HECTD4: variants seen among roughly 807,000 people sequenced by gnomAD.
HECTD4 encodes the protein probable E3 ubiquitin-protein ligase HECTD4.
In HECTD4, 114 loss-of-function variants were observed where a neutral mutation model predicts 471.5. The ratio of observed to expected loss-of-function variants is 0.24; its 90% confidence interval spans 0.21 to 0.28. The LOEUF (loss-of-function observed/expected upper bound fraction) is 0.28. Ranked by LOEUF, HECTD4 falls within the 10% of genes least tolerant of loss-of-function variation. The probability of loss-of-function intolerance (pLI) is 1.00; values close to 1 mark genes in which losing one functional copy is unlikely to be tolerated. For synonymous variants in HECTD4, 2,012 were observed against 2,256.0 expected, an observed-to-expected ratio of 0.89 and a Z score of 3.07; for missense variants, 3,866 against 5,651.5, an observed-to-expected ratio of 0.68 and a Z score of 10.13.
At position 112,245,897 on chromosome 12, in the gene HECTD4, T is replaced by C. The variant is rs187013148; in HGVS notation, c.4513+1004A>G. ...CTGTAATCCCAGCACTTTGGGAGGC[T>C]GAGGTGGGCAGATCACCTGAGGTCA... is the stretch of plus-strand genomic sequence containing the variant. On this transcript the variant is annotated intron_variant, in intron 29 of 75. Coordinates refer to ENST00000682272, the MANE Select transcript of HECTD4 (RefSeq NM_001388303.1). Among the ~76,000 whole-genome samples, 557 of 152,092 alleles carry C rather than the reference T, an allele frequency of 3.7e-3. 2 individuals are homozygous for C. Among genetic ancestry groups the C allele is most frequent in the African/African-American group, 0.013 (531 of 41,510 alleles).
chr12:112,208,621 C>A lies in HECTD4; in HGVS notation c.7877G>T (p.Ser2626Ile). Residue 2626 changes from serine (S) to isoleucine (I), a missense_variant, in exon 51 of 76, where the codon AGT becomes ATT. Ser to Ile is a moderately radical substitution (Grantham distance 142, BLOSUM62 -2). Coordinates refer to ENST00000682272, the MANE Select transcript of HECTD4 (RefSeq NM_001388303.1). Reference sequence around the variant, plus strand: ...GACTTTATAATGACAGGAGGTGTCACTATCATATTCTGTAACAGAGCACAA... The same window carrying A: ...GACTTTATAATGACAGGAGGTGTCAATATCATATTCTGTAACAGAGCACAA... Reference protein sequence around the residue: ...AVATAQQQYDSDTSCHYKVEL... With the variant: ...AVATAQQQYDIDTSCHYKVEL... 6.3e-7 allele frequency: 1 copy of A among 1,580,178 alleles called. No homozygotes were observed. The highest frequency in any genetic ancestry group is 8.6e-7 in the Non-Finnish European group (1 of 1,167,166).
intron 2 of HECTD4, among the ~76,000 whole-genome samples, chr12:112,315,156 G>A (rs578232506): frequency 4.9e-4 from 75 of 152,272 alleles, no homozygotes; most frequent in Non-Finnish European, 1.0e-3. Context: ...CTGTCATATG[G>A]TCAGCAAGAT....
intron 54 of HECTD4, 88 bp from the exon 55 acceptor site, chr12:112,200,886 T>TGTGTGTGTGCGTGCGTGC (rs1566070139): frequency 1.3e-4 from 9 of 68,322 alleles, no homozygotes; most frequent in African/African-American, 2.6e-4. Flanking sequence ...CGTGCGTGCG[T>TGTGTGTGTGCGTGCGTGC]GTGTGTGTGT....
chr12:112,336,921 T>C (rs2035968925), intron 1 of HECTD4, among the ~76,000 whole-genome samples: 1 of 152,240 alleles, frequency 6.6e-6, no homozygotes, highest in Non-Finnish European at 1.5e-5. Context: ...AAATAGGGTA[T>C]ATTGAATGAT....
At chr12:112,270,760 A>G (rs1357045493) in intron 11 of HECTD4, among the ~76,000 whole-genome samples, 1 of 152,146 alleles carries the variant, frequency 6.6e-6, no homozygotes. Context: ...TGTTTTGTAG[A>G]GCAATAAACC....
chr12:112,231,171 A>G (rs2135566703), intron 39 of HECTD4: 1 of 439,114 alleles, frequency 2.3e-6, no homozygotes, highest in East Asian at 4.1e-5. Flanking sequence ...GCTCCTAGAA[A>G]GAAGTTTGTG....
At chr12:112,227,476 T>C (rs944287718) in intron 43 of HECTD4, among the ~76,000 whole-genome samples, 3 of 151,932 alleles carry the variant, frequency 2.0e-5, no homozygotes, top group Non-Finnish European at 2.9e-5. Flanking sequence ...AAAAGAAGTT[T>C]CATTGTCAAA....
In HECTD4 at chr12:112,163,824, A is replaced by T; in HGVS notation, c.12702-87T>A. 2 of 1,243,472 alleles carry T rather than the reference A, an allele frequency of 1.6e-6. No individual in the cohort carries two copies. The highest frequency in any genetic ancestry group is 2.1e-6 in the Non-Finnish European group (2 of 938,886). The allele number at this position is 1,243,472 out of a possible 1,614,324, so 77.0% of individuals were successfully genotyped here. A position where few individuals can be genotyped will look rare whatever the true frequency, so the allele number is the denominator to read the frequency against. On this transcript the variant is annotated intron_variant, in intron 73 of 75. Coordinates refer to ENST00000682272, the MANE Select transcript of HECTD4 (RefSeq NM_001388303.1). This position sits in a 1 kb window ranked among gnomAD's most constrained non-coding sequence, Gnocchi z 8.2. ...ACACCCACTCAGCTGGAGGTCCCGG[A>T]TCCTCTCTTGGGAGAGGCCTGGGGC...
chr12:112,261,203 T>C, intron 18 of HECTD4, 102 bp downstream of exon 18: 1 of 1,240,544 alleles, frequency 8.1e-7, no homozygotes, highest in Non-Finnish European at 1.1e-6. Flanking sequence ...AAAATCTCTC[T>C]ATATAAAATT....
At chr12:112,297,662 C>T (rs550569520) in intron 7 of HECTD4, among the ~76,000 whole-genome samples, 1 of 152,162 alleles carries the variant, frequency 6.6e-6, no homozygotes, top group Admixed American at 6.5e-5. Context: ...CAAATCTGAG[C>T]TAACCTCAGG....
intron 44 of HECTD4, among the ~76,000 whole-genome samples, chr12:112,220,734 T>C (rs1474777145): frequency 6.6e-6 from 1 of 151,776 alleles, no homozygotes; most frequent in African/African-American, 2.4e-5. Context: ...GAGGCAGAGG[T>C]TGCAGTGAGC....
chr12:112,367,507 T>C, intron 1 of HECTD4, among the ~76,000 whole-genome samples: 1 of 151,906 alleles, frequency 6.6e-6, no homozygotes, highest in South Asian at 2.1e-4. Context: ...AAGGAAAGTT[T>C]ATTTATAAAC....
At chr12:112,192,059 G>A (rs1167758504) in intron 59 of HECTD4, among the ~76,000 whole-genome samples, 1 of 152,204 alleles carries the variant, frequency 6.6e-6, no homozygotes, top group Non-Finnish European at 1.5e-5. Flanking sequence ...GGCATGTGGA[G>A]GCAGAGCCCT....
chr12:112,279,397 G>T lies in HECTD4; in HGVS notation c.1529-11C>A, dbSNP rs767869841. On this transcript the variant is annotated splice_polypyrimidine_tract_variant and intron_variant, in intron 8 of 75. Transcript: ENST00000682272. The stretch of plus-strand genomic sequence containing the variant: ...CACAGCTAGTATTTGCTGGAGAAAG[G>T]AATGAAAATGCTAAATCAAAATATT... 1.4e-5 allele frequency: 22 copies of T among 1,574,838 alleles called. No individual in the cohort carries two copies. In the South Asian group the frequency reaches 2.5e-4, roughly 18 times the overall value.
rs557362451 is a variant in HECTD4 at position 112,236,499 on chromosome 12, G to A, written c.5444+446C>T. 3.3e-5 allele frequency among the ~76,000 whole-genome samples: 5 copies of A among 152,342 alleles called. No homozygotes were observed. In the South Asian group the frequency reaches 6.2e-4, roughly 19 times the overall value. ...CTAAATAACATGCAGTCAGTCATAT[G>A]TGGATATTTTATGGGCCTCGTGGCT... On this transcript the variant is annotated intron_variant, in intron 35 of 75. Coordinates refer to ENST00000682272, the MANE Select transcript of HECTD4 (RefSeq NM_001388303.1).
chr12:112,354,614 A>T (rs1162888995), intron 1 of HECTD4, among the ~76,000 whole-genome samples: 2 of 152,116 alleles, frequency 1.3e-5, no homozygotes, highest in South Asian at 4.1e-4. Context: ...TGAGCCCAGG[A>T]GGCAGACATT....
chr12:112,322,670 T>G (rs11066257), intron 1 of HECTD4: 32,325 of 152,354 alleles, frequency 0.21, 5,546 homozygotes, highest in East Asian at 0.85. Context: ...TCCCTGCTGG[T>G]ATGAATTCAA....
chr12:112,233,197 G>T, intron 37 of HECTD4, 112 bp from the exon 38 acceptor site: 5 of 491,530 alleles, frequency 1.0e-5, no homozygotes, highest in South Asian at 4.3e-5. Context: ...ACTAACATTA[G>T]CTTACACTAA....
chr12:112,267,156 C>G (rs2034296450), intron 13 of HECTD4, 174 bp from the exon 14 acceptor site: 1 of 582,186 alleles, frequency 1.7e-6, no homozygotes, highest in Non-Finnish European at 3.1e-6. Context: ...GCTGGCTAGG[C>G]AGGTGTGCCC....
Sources: gnomAD v4.1 joint callset for allele counts (sites outside exome capture counted in the v4.1 genomes callset) on GRCh38, gnomAD v4.1.1 for gene constraint, Gnocchi (gnomAD v3.1) non-coding constraint, MANE v1.5 for transcripts, NCBI Gene and HGNC (gene_info 2026-07-23, HGNC 2026-07-21) for gene names.